Variants in MSANTD2 observed in about 807,000 individuals in gnomAD.
MSANTD2 encodes the protein Myb/SANT DNA binding domain containing 2.
A neutral mutation model predicts 52.6 loss-of-function variants in MSANTD2; 19 were observed. That is an observed-to-expected ratio of 0.36 (90% CI 0.25 to 0.53). MSANTD2 has a LOEUF of 0.53. Ranked by LOEUF, MSANTD2 falls within the 20% of genes least tolerant of loss-of-function variation. The pLI is 0.91. For missense variants in MSANTD2, 558 were observed against 716.3 expected, an observed-to-expected ratio of 0.78 and a Z score of 2.52; for synonymous variants, 291 against 289.7, an observed-to-expected ratio of 1.00 and a Z score of -0.04.
chr11:124,774,761 G>T lies in MSANTD2; in HGVS notation c.724C>A (p.His242Asn). 6.2e-7 allele frequency: 1 copy of T among 1,614,122 alleles called. No individual in the cohort carries two copies. Among genetic ancestry groups the T allele is most frequent in the Non-Finnish European group, 8.5e-7 (1 of 1,180,016 alleles). The change falls in exon 2 of 4, where the codon CAC becomes AAC. Residue 242 changes from histidine to asparagine, a missense_variant. Physicochemically the swap from His to Asn is moderately conservative, Grantham distance 68. This residue lies in a region of MSANTD2 where 408 missense variants were observed against 573.6 expected (regional missense o/e 0.71). Transcript: ENST00000374979. This position sits in a 1 kb window ranked among gnomAD's most constrained non-coding sequence, Gnocchi z 5.1. ...GGATAGCCATGGAGATCCTGACTGT[G>T]GTTTCCCCAGTCCTCCTGTGAATAG... ...EDYSQEDWGN[H>N]SQDLHGYPTD... is the part of the protein sequence containing the mutation.
Position 124,779,627 on chromosome 11 carries a change from T to G in MSANTD2, c.511-4653A>C, listed in dbSNP as rs763424050. ...TGTCAGATGAAAAATAAAGTCAATC[T>G]GCAAGGAGGACAGCTTAGTTATAAT... On this transcript the variant is annotated intron_variant, in intron 1 of 3. Transcript: ENST00000374979. The surrounding 1 kb of genome is among the most constrained non-coding windows in gnomAD (Gnocchi z 4.6). Among the ~76,000 whole-genome samples, 5 of 152,186 alleles carry G rather than the reference T, an allele frequency of 3.3e-5. No individual in the cohort carries two copies. Among genetic ancestry groups the G allele is most frequent in the Non-Finnish European group, 7.3e-5 (5 of 68,038 alleles).
intron 3 of MSANTD2, among the ~76,000 whole-genome samples, chr11:124,771,570 G>C (rs1421877434): frequency 6.6e-6 from 1 of 152,188 alleles, no homozygotes; most frequent in African/African-American, 2.4e-5. Context: ...AGGAGTTCGA[G>C]ATCAACCTGG....
intron 1 of MSANTD2, chr11:124,784,424 C>A: frequency 1.0e-6 from 1 of 985,340 alleles, no homozygotes; most frequent in Non-Finnish European, 1.2e-6. Context: ...TTAAAGTACT[C>A]CCAAACACCC....
chr11:124,775,058 C>G, intron 1 of MSANTD2, 84 bp from the exon 2 acceptor site: 1 of 1,179,652 alleles, frequency 8.5e-7, no homozygotes, highest in Non-Finnish European at 1.2e-6. Context: ...TACTATTAGA[C>G]AGACACAGAC....
At chr11:124,792,576 C>A (rs886171196) in intron 1 of MSANTD2, 4 of 152,154 alleles carry the variant, frequency 2.6e-5, no homozygotes, top group Non-Finnish European at 5.9e-5. Context: ...TTTTGAAAGC[C>A]TAGGATGTGT....
At chr11:124,783,825 A>C (rs1020393876) in intron 1 of MSANTD2, 30 of 985,300 alleles carry the variant, frequency 3.0e-5, no homozygotes, top group Non-Finnish European at 3.5e-5. Context: ...AACATCTTCC[A>C]TGGCTCAAGG....
rs10547948 is a variant in MSANTD2 at position 124,784,482 on chromosome 11, A to AC, written c.511-9509dup. ...ATGGACAACCATGTCTAAAAATTAA[A>AC]CCCCCCCCCCGCCACCTCAAAAATC... On this transcript the variant is annotated intron_variant, in intron 1 of 3. Transcript: ENST00000374979. 3,214 of 974,896 alleles carry AC rather than the reference A, an allele frequency of 3.3e-3. 8 individuals carry two copies. The highest frequency in any genetic ancestry group is 4.7e-3 in the Middle Eastern group (9 of 1,900). 60.4% of individuals were successfully genotyped at this position (974,896 alleles called of 1,614,324 possible).
At chr11:124,768,488 T>G (rs1157478396) in intron 3 of MSANTD2, among the ~76,000 whole-genome samples, 1 of 152,220 alleles carries the variant, frequency 6.6e-6, no homozygotes, top group Non-Finnish European at 1.5e-5. Context: ...TTTAGAAAAG[T>G]ATCTGGCGTC....
At chr11:124,777,065 T>C (rs1442265428) in intron 1 of MSANTD2, among the ~76,000 whole-genome samples, 6 of 152,216 alleles carry the variant, frequency 3.9e-5, no homozygotes, top group African/African-American at 1.2e-4. Context: ...ACACTCCCCC[T>C]TTCCCAGCGC....
At chr11:124,791,378 T>A in intron 1 of MSANTD2, 2 of 1,376,338 alleles carry the variant, frequency 1.5e-6, no homozygotes, top group South Asian at 1.2e-5. Context: ...AAGGCATCAT[T>A]ACGGGCTACA....
At chr11:124,771,273 A>G (rs1944510668) in intron 3 of MSANTD2, among the ~76,000 whole-genome samples, 1 of 152,192 alleles carries the variant, frequency 6.6e-6, no homozygotes, top group Admixed American at 6.5e-5. Flanking sequence ...CCTTAAACTT[A>G]CTGATGTGGG....
chr11:124,785,900 T>C lies in MSANTD2; in HGVS notation c.511-10926A>G, dbSNP rs568370777. Among the ~76,000 whole-genome samples the C allele has an allele frequency of 1.3e-4, 19 of 151,974 alleles. 1 individual carries two copies. The highest frequency in any genetic ancestry group is 4.1e-4 in the African/African-American group (17 of 41,474). On this transcript the variant is annotated intron_variant, in intron 1 of 3. Coordinates refer to ENST00000374979, the MANE Select transcript of MSANTD2 (RefSeq NM_001308027.2). Reference sequence around the variant, plus strand: ...AGCTTATCCAAAGTCACTTTCAGTGTCTTTAATGTAAGTTCATCTTTGGTT... The same window carrying C: ...AGCTTATCCAAAGTCACTTTCAGTGCCTTTAATGTAAGTTCATCTTTGGTT...
At chr11:124,773,313 T>TA in intron 2 of MSANTD2, 1 of 285,326 alleles carries the variant, frequency 3.5e-6, no homozygotes. Context: ...GCTAGGAGCT[T>TA]AAAGCTTAAT....
chr11:124,798,788 T>TC (rs1245216551), intron 1 of MSANTD2, among the ~76,000 whole-genome samples: 1 of 151,758 alleles, frequency 6.6e-6, no homozygotes, highest in Non-Finnish European at 1.5e-5. Context: ...GTGGTTTTTA[T>TC]CCCCCCTCAA....
At chr11:124,787,065 T>C (rs960098734) in intron 1 of MSANTD2, among the ~76,000 whole-genome samples, 10 of 152,322 alleles carry the variant, frequency 6.6e-5, no homozygotes, top group African/African-American at 1.9e-4. Flanking sequence ...CTGTATTAAA[T>C]GAGAAAACAG....
At chr11:124,790,566 T>C (rs933685137) in intron 1 of MSANTD2, 1 of 152,238 alleles carries the variant, frequency 6.6e-6, no homozygotes, top group Non-Finnish European at 1.5e-5. Context: ...TACCACTGCT[T>C]TATTTCACTT....
intron 1 of MSANTD2, among the ~76,000 whole-genome samples, chr11:124,795,192 T>C (rs1042450632): frequency 6.6e-6 from 1 of 152,192 alleles, no homozygotes; most frequent in Non-Finnish European, 1.5e-5. Context: ...TTTACCATTT[T>C]TAAATTTGTC....
intron 1 of MSANTD2, among the ~76,000 whole-genome samples, chr11:124,798,355 G>A (rs981377391): frequency 6.6e-6 from 1 of 151,682 alleles, no homozygotes; most frequent in African/African-American, 2.4e-5. Context: ...GCAAGAGAGG[G>A]AGATCCTCTC....
At chr11:124,780,030 GC>G (rs1328815633) in intron 1 of MSANTD2, among the ~76,000 whole-genome samples, 5 of 152,066 alleles carry the variant, frequency 3.3e-5, no homozygotes, top group Non-Finnish European at 7.4e-5. Context: ...AAAACTAGTT[GC>G]TCTTAGTTAA....
Sources: allele counts gnomAD v4.1 joint callset (sites outside exome capture counted in the v4.1 genomes callset), GRCh38; gene constraint gnomAD v4.1.1; regional missense constraint gnomAD v4.1.1; non-coding constraint Gnocchi (gnomAD v3.1); transcripts MANE v1.5; gene names NCBI Gene and HGNC (gene_info 2026-07-23, HGNC 2026-07-21).